Variants in ROBO1 observed in about 807,000 individuals in gnomAD.
The protein encoded by ROBO1 is roundabout homolog 1.
Under a neutral mutation model 195.9 loss-of-function variants are expected in ROBO1, and 149 were observed. That is an observed-to-expected ratio of 0.76 (90% CI 0.67 to 0.87). The LOEUF is 0.87. Ranked by LOEUF, ROBO1 falls within the 40% of genes least tolerant of loss-of-function variation. ROBO1 has a pLI of 0.00. For synonymous variants in ROBO1, 816 were observed against 733.2 expected (o/e 1.11, Z -1.82); for missense variants, 1,933 against 2,068.3 (o/e 0.93, Z 1.27).
At chr3:79,430,029 G>T (rs943108191) in intron 2 of ROBO1, among the ~76,000 whole-genome samples, 14 of 150,374 alleles carry the variant, frequency 9.3e-5, no homozygotes, top group African/African-American at 3.4e-4. Flanking sequence ...ATTGTATTTG[G>T]TTTTCAAATT....
intron 4 of ROBO1, among the ~76,000 whole-genome samples, chr3:78,847,499 G>A (rs1443388211): frequency 2.0e-5 from 3 of 152,152 alleles, no homozygotes; most frequent in African/African-American, 7.2e-5. Context: ...CCAGGAACCT[G>A]TAAGGGAAGC....
At chr3:78,844,711 A>G (rs1000754415) in intron 4 of ROBO1, among the ~76,000 whole-genome samples, 1 of 152,148 alleles carries the variant, frequency 6.6e-6, no homozygotes, top group African/African-American at 2.4e-5. Context: ...GTCAAAATCT[A>G]ACACTGAAAA....
intron 4 of ROBO1, among the ~76,000 whole-genome samples, chr3:78,819,923 A>AT (rs1185588187): frequency 2.6e-5 from 4 of 152,144 alleles, no homozygotes; most frequent in African/African-American, 9.7e-5. Flanking sequence ...AAATGACTCC[A>AT]TTTTTCCTAA....
intron 2 of ROBO1, among the ~76,000 whole-genome samples, chr3:79,327,951 C>T (rs907105983): frequency 7.2e-5 from 11 of 152,088 alleles, no homozygotes; most frequent in Non-Finnish European, 1.6e-4. Context: ...GTTAAATTTC[C>T]TATATAATAC....
At chr3:78,999,704 G>A (rs543596487) in intron 3 of ROBO1, among the ~76,000 whole-genome samples, 3 of 151,938 alleles carry the variant, frequency 2.0e-5, no homozygotes, top group South Asian at 2.1e-4. Flanking sequence ...AATAAAAGTT[G>A]AACAAAAAAG....
At chr3:78,929,982 G>A (rs2039422359) in intron 4 of ROBO1, among the ~76,000 whole-genome samples, 3 of 152,282 alleles carry the variant, frequency 2.0e-5, no homozygotes, top group Non-Finnish European at 4.4e-5. Flanking sequence ...ATTACTGGAA[G>A]TCAGCTAAAT....
intron 10 of ROBO1, among the ~76,000 whole-genome samples, chr3:78,683,415 A>G (rs2107808727): frequency 6.6e-6 from 1 of 152,196 alleles, no homozygotes; most frequent in East Asian, 1.9e-4. Flanking sequence ...AATTTTCACA[A>G]GTTTATTTTA....
chr3:78,894,308 A>C (rs2037103227), intron 4 of ROBO1, among the ~76,000 whole-genome samples: 1 of 152,184 alleles, frequency 6.6e-6, no homozygotes, highest in African/African-American at 2.4e-5. Flanking sequence ...ATTTCTACTA[A>C]ATTTTAAATC....
At chr3:78,601,621 TA>T (rs1703177370) in intron 29 of ROBO1, among the ~76,000 whole-genome samples, 1 of 152,194 alleles carries the variant, frequency 6.6e-6, no homozygotes, top group East Asian at 1.9e-4. Flanking sequence ...ACTTTCCCCT[TA>T]AGACTGTGCT....
At chr3:79,469,138 A>T (rs552890491) in intron 2 of ROBO1, among the ~76,000 whole-genome samples, 1 of 152,292 alleles carries the variant, frequency 6.6e-6, no homozygotes, top group African/African-American at 2.4e-5. Context: ...CTCTTGGAAA[A>T]TAATGGGGCA....
chr3:79,375,772 A>C (rs2036361053), intron 2 of ROBO1, among the ~76,000 whole-genome samples: 1 of 152,246 alleles, frequency 6.6e-6, no homozygotes, highest in Admixed American at 6.5e-5. Flanking sequence ...AGTAGGAAAC[A>C]AAAGCTGAGA....
At chr3:79,272,472 G>A (rs1185718825) in intron 2 of ROBO1, among the ~76,000 whole-genome samples, 2 of 152,034 alleles carry the variant, frequency 1.3e-5, no homozygotes, top group Non-Finnish European at 2.9e-5. Context: ...AGCAATCACA[G>A]CAACTGGTTT....
chr3:79,367,552 C>T (rs1361675196), intron 2 of ROBO1, among the ~76,000 whole-genome samples: 2 of 152,210 alleles, frequency 1.3e-5, no homozygotes, highest in South Asian at 2.1e-4. Context: ...GTCTACCCAT[C>T]GTTCGTTAAA....
intron 21 of ROBO1, among the ~76,000 whole-genome samples, chr3:78,641,555 G>GATATTAGTT (rs1185588891): frequency 6.6e-6 from 1 of 152,120 alleles, no homozygotes; most frequent in Non-Finnish European, 1.5e-5. Flanking sequence ...CCTTGAAATA[G>GATATTAGTT]ATATTAGTTA....
chr3:78,755,568 T>G lies in ROBO1; in HGVS notation c.500-8668A>C, dbSNP rs182637691. Among the ~76,000 whole-genome samples the G allele has an allele frequency of 3.9e-4, 60 of 152,334 alleles. 2 individuals are homozygous for G. Among genetic ancestry groups the G allele is most frequent in the Admixed American group, 2.4e-3 (37 of 15,302 alleles). On this transcript the variant is annotated intron_variant, in intron 4 of 30. Coordinates refer to ENST00000464233, the MANE Select transcript of ROBO1 (RefSeq NM_002941.4). ...AATGGTGATGGTTTTATACCATGAT[T>G]ATGATACCAGATTTGACACAATAGT...
At chr3:79,018,457 A>G in intron 3 of ROBO1, 3 of 1,613,936 alleles carry the variant, frequency 1.9e-6, no homozygotes, top group Non-Finnish European at 2.5e-6. Flanking sequence ...GGGCTCCGCA[A>G]TCATTGTCCT....
At chr3:78,749,155 T>C (rs930798374) in intron 4 of ROBO1, among the ~76,000 whole-genome samples, 3 of 152,190 alleles carry the variant, frequency 2.0e-5, no homozygotes, top group Non-Finnish European at 4.4e-5. Flanking sequence ...TAATCAATGA[T>C]AACATCTCTG....
chr3:78,715,791 C>A (rs1486743049), intron 7 of ROBO1, among the ~76,000 whole-genome samples: 1 of 152,196 alleles, frequency 6.6e-6, no homozygotes, highest in East Asian at 1.9e-4. Context: ...CCTCCTCGGC[C>A]TCCCAAAGTG....
rs145186389 is a variant in ROBO1, at chr3:79,496,387, C to CATTTTTTTTTTT, written c.88+93436_88+93437insAAAAAAAAAAAT. 4.0e-3 allele frequency among the ~76,000 whole-genome samples: 449 copies of CATTTTTTTTTTT among 112,538 alleles called. 97 individuals carry two copies. Among genetic ancestry groups the CATTTTTTTTTTT allele is most frequent in the Non-Finnish European group, 5.8e-3 (315 of 54,648 alleles). 73.8% of individuals were successfully genotyped at this position (112,538 alleles called of 152,430 possible). A position where few individuals can be genotyped will look rare whatever the true frequency, so the allele number is the denominator to read the frequency against. On this transcript the variant is annotated intron_variant, in intron 2 of 30. Coordinates refer to ENST00000464233, the MANE Select transcript of ROBO1 (RefSeq NM_002941.4). ...TTTTGGTATAATGCTGCGCACCCATCTTTTTTTGAGACGGAGTCTCGCTCT... is the reference window on the plus strand; with the variant it reads ...TTTTGGTATAATGCTGCGCACCCATCATTTTTTTTTTTTTTTTTTGAGACGGAGTCTCGCTCT...
Sources: allele counts gnomAD v4.1 joint callset (sites outside exome capture counted in the v4.1 genomes callset), GRCh38; gene constraint gnomAD v4.1.1; transcripts MANE v1.5; gene names NCBI Gene and HGNC (gene_info 2026-07-23, HGNC 2026-07-21).